The following CGNL1 variants were observed in gnomAD, a reference collection of about 807,000 sequenced individuals.
The protein encoded by CGNL1 is cingulin like 1.
Under a neutral mutation model 141.2 loss-of-function variants are expected in CGNL1, and 132 were observed. That is an observed-to-expected ratio of 0.93 (90% confidence interval 0.81 to 1.08). The LOEUF is 1.08. CGNL1 is among the 50% of genes least tolerant of loss of function. CGNL1 has a pLI of 0.00. For missense variants in CGNL1, 1,870 were observed against 1,588.6 expected (o/e 1.18, Z -3.01); for synonymous variants, 690 against 622.1 (o/e 1.11, Z -1.63).
intron 1 of CGNL1, chr15:57,394,078 A>G (rs2921428): frequency 0.91 from 125,442 of 138,246 alleles, 57,062 homozygotes; most frequent in East Asian, 1. Flanking sequence ...ACAGGCACGC[A>G]CCACCAAACC....
chr15:57,539,829 C>A (rs535974300), intron 14 of CGNL1, among the ~76,000 whole-genome samples: 175 of 152,268 alleles, frequency 1.1e-3, no homozygotes, highest in Non-Finnish European at 1.7e-3. Context: ...GTGGGCTCAC[C>A]TGTTCTGTGG....
intron 1 of CGNL1, among the ~76,000 whole-genome samples, chr15:57,392,580 C>T (rs2062555207): frequency 1.3e-5 from 2 of 152,216 alleles, no homozygotes; most frequent in South Asian, 4.1e-4. Flanking sequence ...TCATTTCCTA[C>T]CTTTTCCTTG....
At chr15:57,510,083 T>C (rs1355755199) in intron 8 of CGNL1, among the ~76,000 whole-genome samples, 1 of 152,086 alleles carries the variant, frequency 6.6e-6, no homozygotes, top group Non-Finnish European at 1.5e-5. Flanking sequence ...TAGGCTTGAT[T>C]TTTTTAGCTG....
chr15:57,481,285 A>C (rs1297232232), intron 8 of CGNL1, among the ~76,000 whole-genome samples: 1 of 152,138 alleles, frequency 6.6e-6, no homozygotes, highest in Non-Finnish European at 1.5e-5. Context: ...GAGATATAGA[A>C]CATTTACATC....
At chr15:57,402,719 G>A (rs1172232912) in intron 1 of CGNL1, 2 of 152,274 alleles carry the variant, frequency 1.3e-5, no homozygotes, top group Admixed American at 6.5e-5. Context: ...TGCTTGGTAA[G>A]TGTTTGACAA....
In CGNL1 at chr15:57,513,748, C is replaced by T. The variant is rs2030539441; in HGVS notation, c.2404-3032C>T. 2.0e-5 allele frequency among the ~76,000 whole-genome samples: 3 copies of T among 152,300 alleles called. No homozygotes were observed. The South Asian group carries it at 6.2e-4, about 32-fold the overall frequency. On this transcript the variant is annotated intron_variant, in intron 8 of 18. Coordinates refer to ENST00000281282, the MANE Select transcript of CGNL1 (RefSeq NM_032866.5). ...TGTTGGCCAGGCTGGTCTCAAACTC[C>T]TGACCTCAGGTGATCTGCCCGCCTC...
chr15:57,509,090 G>T (rs1276448160), intron 8 of CGNL1, among the ~76,000 whole-genome samples: 1 of 152,154 alleles, frequency 6.6e-6, no homozygotes, highest in African/African-American at 2.4e-5. Flanking sequence ...AGGAAGGGAC[G>T]CATTATTGTG....
intron 8 of CGNL1, among the ~76,000 whole-genome samples, chr15:57,464,351 C>G (rs543080056): frequency 6.6e-6 from 1 of 152,148 alleles, no homozygotes; most frequent in Non-Finnish European, 1.5e-5. Flanking sequence ...GATCTCCCAA[C>G]TTTTAAGCAT....
chr15:57,452,016 G>A (rs1443631610), intron 5 of CGNL1, 125 bp from the exon 6 acceptor site: 10 of 767,698 alleles, frequency 1.3e-5, no homozygotes, highest in Non-Finnish European at 2.0e-5. Context: ...TAATTATATA[G>A]TTTGATTAAG....
At chr15:57,482,243 C>CA in intron 8 of CGNL1, among the ~76,000 whole-genome samples, 1 of 152,032 alleles carries the variant, frequency 6.6e-6, no homozygotes, top group South Asian at 2.1e-4. Context: ...CAAAACAAAA[C>CA]AAAAAACCTT....
At chr15:57,535,961 T>C (rs1195534824) in intron 14 of CGNL1, among the ~76,000 whole-genome samples, 2 of 152,330 alleles carry the variant, frequency 1.3e-5, no homozygotes, top group East Asian at 3.9e-4. Context: ...TGTTTATAAG[T>C]TCCCAGCCTG....
intron 1 of CGNL1, among the ~76,000 whole-genome samples, chr15:57,378,566 A>G (rs2062392442): frequency 6.6e-6 from 1 of 151,480 alleles, no homozygotes; most frequent in South Asian, 2.1e-4. Context: ...TATTTTTAGT[A>G]GAGACAGGGT....
At position 57,438,781 on chromosome 15, in the gene CGNL1, G is replaced by T. The variant is rs756950442; in HGVS notation, c.782G>T (p.Ser261Ile). 1.2e-6 allele frequency: 2 copies of T among 1,614,128 alleles called. No individual in the cohort carries two copies. Among genetic ancestry groups the T allele is most frequent in the Admixed American group, 3.3e-5 (2 of 60,018 alleles). The part of the protein sequence containing the change: ...FTSGRPLTAH[S>I]PHAHPETKKT... ...AGCGGGAGGCCCCTGACTGCCCACA[G>T]CCCACATGCCCACCCTGAAACCAAG... Residue 261 changes from serine to isoleucine, a missense_variant, in exon 2 of 19, where the codon AGC (serine) becomes ATC (isoleucine). By Grantham distance (142) the Ser-to-Ile change is moderately radical. Transcript: ENST00000281282.
chr15:57,523,445 C>T, intron 10 of CGNL1, 44 bp from the exon 11 acceptor site: 1 of 1,605,414 alleles, frequency 6.2e-7, no homozygotes, highest in South Asian at 1.1e-5. Context: ...CTGTGGCTAC[C>T]TGGTTAGTAG....
chr15:57,457,031 T>G (rs1437153066), intron 7 of CGNL1, among the ~76,000 whole-genome samples: 1 of 152,178 alleles, frequency 6.6e-6, no homozygotes, highest in Non-Finnish European at 1.5e-5. Flanking sequence ...ATACCATGAT[T>G]CTCACCAGCC....
At chr15:57,505,279 T>G (rs761711232) in intron 8 of CGNL1, among the ~76,000 whole-genome samples, 1 of 152,196 alleles carries the variant, frequency 6.6e-6, no homozygotes, top group Non-Finnish European at 1.5e-5. Context: ...CACACCATTA[T>G]CTTTCATTTT....
At chr15:57,517,392 AATT>A (rs2140102088) in intron 9 of CGNL1, among the ~76,000 whole-genome samples, 1 of 152,264 alleles carries the variant, frequency 6.6e-6, no homozygotes, top group East Asian at 1.9e-4. Context: ...TTAACAAGCC[AATT>A]ATCTGGTTGG....
intron 1 of CGNL1, chr15:57,398,220 A>G (rs2062623597): frequency 6.6e-6 from 1 of 152,232 alleles, no homozygotes; most frequent in Admixed American, 6.5e-5. Flanking sequence ...GAAGATAAAC[A>G]CATGTTAATA....
chr15:57,403,625 G>A (rs1189523502), intron 1 of CGNL1, among the ~76,000 whole-genome samples: 2 of 152,190 alleles, frequency 1.3e-5, no homozygotes, highest in African/African-American at 2.4e-5. Context: ...GCAGACCTCA[G>A]TGGCTGAAGA....
Sources: gnomAD v4.1 joint callset for allele counts (sites outside exome capture counted in the v4.1 genomes callset) on GRCh38, gnomAD v4.1.1 for gene constraint, MANE v1.5 for transcripts, NCBI Gene and HGNC (gene_info 2026-07-23, HGNC 2026-07-21) for gene names.